Variants in DAPK2 observed in about 807,000 individuals in gnomAD.
DAPK2 encodes death-associated protein kinase 2.
A neutral mutation model predicts 44.1 loss-of-function variants in DAPK2; 35 were observed. The observed-to-expected ratio is 0.79, with a 90% CI of 0.61 to 1.05. The LOEUF is 1.05. Among genes scored for constraint, DAPK2 ranks in the 50% least tolerant of loss-of-function variants. The pLI, the probability that DAPK2 is intolerant of heterozygous loss-of-function variation, is 0.00. For missense variants in DAPK2, 453 were observed against 483.2 expected (o/e 0.94, Z 0.59); for synonymous variants, 174 against 182.6 (o/e 0.95, Z 0.38).
chr15:63,930,300 T>C lies in DAPK2; in HGVS notation c.632+107A>G, dbSNP rs932766033. The C allele has an allele frequency of 5.5e-6, 6 of 1,083,540 alleles. No homozygotes were observed. The Middle Eastern group carries it at 7.2e-4, about 130-fold the overall frequency. 67.1% of individuals were successfully genotyped at this position (1,083,540 alleles called of 1,614,324 possible). A position where few individuals can be genotyped will look rare whatever the true frequency, so the allele number is the denominator to read the frequency against. ...AGCCAGAGGCTCTGAACAGTGAGTG[T>C]GGAGTAAGGGGCTTTCATGGTTAAG... On this transcript the variant is annotated intron_variant, in intron 5 of 10. Coordinates refer to ENST00000261891, the Ensembl canonical transcript of DAPK2.
exon 11 of DAPK2, chr15:63,907,837 G>C (rs2078693020): frequency 6.6e-6 from 1 of 152,364 alleles, no homozygotes; most frequent in African/African-American, 2.4e-5. Context: ...TGCCCACTCA[G>C]CACCCCACTG....
At chr15:64,017,014 CT>C (rs1187099090) in intron 1 of DAPK2, among the ~76,000 whole-genome samples, 1 of 152,162 alleles carries the variant, frequency 6.6e-6, no homozygotes, top group Non-Finnish European at 1.5e-5. Flanking sequence ...GAACACTGGC[CT>C]AAGCCCAACT....
chr15:63,953,168 ATCAT>A (rs1180337801), intron 3 of DAPK2, among the ~76,000 whole-genome samples: 1 of 143,426 alleles, frequency 7.0e-6, no homozygotes, highest in Admixed American at 7.1e-5. Flanking sequence ...AGTCCATTGT[ATCAT>A]TCTTGTGCCT....
At chr15:63,921,894 C>T (rs528598016) in intron 8 of DAPK2, 3 of 152,176 alleles carry the variant, frequency 2.0e-5, no homozygotes, top group Non-Finnish European at 4.4e-5. Context: ...CCTTCTGGGA[C>T]AGAGCTCCTG....
chr15:63,960,946 G>T (rs1290814473), intron 3 of DAPK2, among the ~76,000 whole-genome samples: 1 of 152,296 alleles, frequency 6.6e-6, no homozygotes, highest in East Asian at 1.9e-4. Flanking sequence ...TGACAGCGGG[G>T]TGTTAAATTC....
At chr15:63,941,589 C>T (rs1567221075) in intron 3 of DAPK2, among the ~76,000 whole-genome samples, 1 of 152,210 alleles carries the variant, frequency 6.6e-6, no homozygotes, top group Non-Finnish European at 1.5e-5. Flanking sequence ...GAAACTTCCA[C>T]TCAAGGGAGC....
chr15:63,945,059 G>T (rs1158653472), intron 3 of DAPK2, among the ~76,000 whole-genome samples: 1 of 152,130 alleles, frequency 6.6e-6, no homozygotes, highest in Non-Finnish European at 1.5e-5. Context: ...TAAAAAAAGA[G>T]ATGAGATGTT....
intron 3 of DAPK2, among the ~76,000 whole-genome samples, chr15:63,940,450 C>G (rs2077276034): frequency 6.6e-6 from 1 of 152,078 alleles, no homozygotes; most frequent in Non-Finnish European, 1.5e-5. Flanking sequence ...GTGGCTCATG[C>G]CTGTAATCCC....
chr15:63,943,598 C>T (rs1567222562), intron 3 of DAPK2, among the ~76,000 whole-genome samples: 1 of 151,468 alleles, frequency 6.6e-6, no homozygotes, highest in African/African-American at 2.4e-5. Flanking sequence ...GGAGGCCGGG[C>T]GCAGTGGCTC....
intron 1 of DAPK2, among the ~76,000 whole-genome samples, chr15:64,001,683 A>G (rs945088891): frequency 6.6e-6 from 1 of 152,162 alleles, no homozygotes; most frequent in Non-Finnish European, 1.5e-5. Flanking sequence ...TAAATGTTGT[A>G]CCAGCGGCAT....
At chr15:63,964,464 T>C (rs1225931209) in intron 3 of DAPK2, among the ~76,000 whole-genome samples, 2 of 152,206 alleles carry the variant, frequency 1.3e-5, no homozygotes, top group Non-Finnish European at 2.9e-5. Flanking sequence ...TTGTGTTCTA[T>C]AACCTTCCTG....
At chr15:63,992,015 T>TTG (rs1567258345) in intron 1 of DAPK2, among the ~76,000 whole-genome samples, 2 of 151,914 alleles carry the variant, frequency 1.3e-5, no homozygotes, top group Non-Finnish European at 1.5e-5. Flanking sequence ...TAGACATTTT[T>TTG]TTGTTGTTGT....
At position 63,912,978 on chromosome 15, in the gene DAPK2, G is replaced by A. The variant is rs950665924; in HGVS notation, c.859-781C>T. 1.3e-5 allele frequency among the ~76,000 whole-genome samples: 2 copies of A among 152,096 alleles called. No homozygotes were observed. Among genetic ancestry groups the A allele is most frequent in the African/African-American group, 4.8e-5 (2 of 41,394 alleles). On this transcript the variant is annotated intron_variant, in intron 8 of 10. Coordinates refer to ENST00000261891, the Ensembl canonical transcript of DAPK2. This position sits in a 1 kb window ranked among gnomAD's most constrained non-coding sequence, Gnocchi z 4.4. ...GTTTCAGGGGTTCTGTGAACAAAAT[G>A]TGCCTATATATCCATACAAAGGAAT...
At chr15:63,970,764 A>G (rs2078190529) in intron 3 of DAPK2, among the ~76,000 whole-genome samples, 1 of 152,214 alleles carries the variant, frequency 6.6e-6, no homozygotes, top group Admixed American at 6.5e-5. Flanking sequence ...AGTCTATGCA[A>G]CTGAGCTCAG....
intron 3 of DAPK2, among the ~76,000 whole-genome samples, chr15:63,958,169 G>T (rs1038286795): frequency 6.6e-6 from 1 of 151,986 alleles, no homozygotes; most frequent in Non-Finnish European, 1.5e-5. Flanking sequence ...AGAAGTGTCT[G>T]TTCATATCCT....
intron 1 of DAPK2, among the ~76,000 whole-genome samples, chr15:64,007,317 C>T (rs775120878): frequency 1.3e-5 from 2 of 152,078 alleles, no homozygotes; most frequent in Non-Finnish European, 2.9e-5. Context: ...TCAAAATGAC[C>T]TGAAGGTACA....
At chr15:64,016,226 C>G (rs573632777) in intron 1 of DAPK2, among the ~76,000 whole-genome samples, 1 of 152,354 alleles carries the variant, frequency 6.6e-6, no homozygotes, top group South Asian at 2.1e-4. Context: ...ATGGTCCTGT[C>G]CACCTCTCCA....
intron 5 of DAPK2, 194 bp from the exon 7 acceptor site, chr15:63,929,771 T>C (rs1056725587): frequency 2.8e-5 from 20 of 710,694 alleles, no homozygotes; most frequent in African/African-American, 8.7e-5. Flanking sequence ...GTCATCGAGC[T>C]CTGAACCCTG....
In DAPK2 at chr15:63,962,783, G is replaced by A. The variant is rs186616544; in HGVS notation, c.453+8640C>T. On this transcript the variant is annotated intron_variant, in intron 3 of 10. Coordinates refer to ENST00000261891, the Ensembl canonical transcript of DAPK2. Reference sequence around the variant, plus strand: ...CCTATTGGGAGGTGTCTCCCAGTTAGGCTACTCGGGGGTCAGGGACCCACT... The same window carrying A: ...CCTATTGGGAGGTGTCTCCCAGTTAAGCTACTCGGGGGTCAGGGACCCACT... 4.7e-3 allele frequency among the ~76,000 whole-genome samples: 721 copies of A among 152,318 alleles called. 5 individuals are homozygous for A. Among genetic ancestry groups the A allele is most frequent in the African/African-American group, 0.016 (669 of 41,560 alleles).
Sources: allele counts gnomAD v4.1 joint callset (sites outside exome capture counted in the v4.1 genomes callset), GRCh38; gene constraint gnomAD v4.1.1; non-coding constraint Gnocchi (gnomAD v3.1); transcripts MANE v1.5; gene names NCBI Gene and HGNC (gene_info 2026-07-23, HGNC 2026-07-21).